CAPN3: variants seen among roughly 807,000 people sequenced by gnomAD.
CAPN3 encodes the protein calpain-3.
CAPN3 carries 88 observed loss-of-function variants against 114.0 expected under a neutral mutation model. The observed-to-expected ratio is 0.77, with a 90% CI of 0.65 to 0.92. CAPN3 has a LOEUF of 0.92. CAPN3 is among the 40% of genes least tolerant of loss of function. The probability of loss-of-function intolerance (pLI) is 0.00; values close to 1 mark genes in which losing one functional copy is unlikely to be tolerated. For missense variants in CAPN3, 1,028 were observed against 1,069.0 expected, an observed-to-expected ratio of 0.96 and a Z score of 0.53; for synonymous variants, 386 against 382.9, an observed-to-expected ratio of 1.01 and a Z score of -0.09.
intron 9 of CAPN3, among the ~76,000 whole-genome samples, chr15:42,397,079 G>C (rs2053715852): frequency 6.6e-6 from 1 of 152,144 alleles, no homozygotes. Flanking sequence ...CCAGGACCAG[G>C]CCAACATGAC....
intron 15 of CAPN3, among the ~76,000 whole-genome samples, chr15:42,406,712 G>A (rs542571332): frequency 6.6e-6 from 1 of 152,240 alleles, no homozygotes; most frequent in East Asian, 1.9e-4. Context: ...TACACTTCAA[G>A]GCCTGTGTTG....
chr15:42,396,987 T>C, intron 9 of CAPN3, 110 bp downstream of exon 9: 1 of 833,498 alleles, frequency 1.2e-6, no homozygotes, highest in South Asian at 1.4e-5. Flanking sequence ...TTGGGAGATC[T>C]GGGCTGTGTT....
chr15:42,402,799 C>G lies in CAPN3; in HGVS notation c.1542C>G (p.His514Gln). 1.2e-6 allele frequency: 2 copies of G among 1,614,022 alleles called. No individual in the cohort carries two copies. The highest frequency in any genetic ancestry group is 8.5e-7 in the Non-Finnish European group (1 of 1,179,912). The change falls in exon 13 of 24, where the codon CAC (histidine) becomes CAG (glutamine). Residue 514 changes from histidine (H) to glutamine (Q), a missense_variant. His to Gln is a conservative substitution (Grantham distance 24). Coordinates refer to ENST00000397163, the MANE Select transcript of CAPN3 (RefSeq NM_000070.3). ...FAIYEVPKEM[H>Q]GNKQHLQKDF... ...GGGCTCTCCCCATCTCTCAGATGCA[C>G]GGGAACAAGCAGCACCTGCAGAAGG...
At chr15:42,408,698 A>C (rs1327639606) in intron 16 of CAPN3, 1 of 358,892 alleles carries the variant, frequency 2.8e-6, no homozygotes, top group Non-Finnish European at 5.4e-6. Context: ...AGGAGCAGAA[A>C]AGTGGGGCTG....
At chr15:42,410,334 C>T in intron 19 of CAPN3, 94 bp from the exon 20 acceptor site, 1 of 1,073,716 alleles carries the variant, frequency 9.3e-7, no homozygotes, top group Non-Finnish European at 1.4e-6. Context: ...TACAACAGGG[C>T]AGTGGGTAGG....
chr15:42,394,073 A>G (rs2053626876), intron 7 of CAPN3, among the ~76,000 whole-genome samples, 183 bp from the exon 8 acceptor site: 1 of 151,982 alleles, frequency 6.6e-6, no homozygotes, highest in Non-Finnish European at 1.5e-5. Context: ...ACTCAGGAGG[A>G]AAGGTCTGAC....
chr15:42,392,496 G>C, intron 6 of CAPN3, 143 bp from the exon 7 acceptor site: 1 of 683,508 alleles, frequency 1.5e-6, no homozygotes. Flanking sequence ...AGGTCCGTTC[G>C]TGGTCGTGAG....
At chr15:42,395,117 T>C (rs918129835) in intron 8 of CAPN3, among the ~76,000 whole-genome samples, 2 of 152,224 alleles carry the variant, frequency 1.3e-5, no homozygotes, top group Admixed American at 1.3e-4. Context: ...ATGTAATTAC[T>C]GGTTCGTTCA....
Position 42,401,739 on chromosome 15 carries a change from A to G in CAPN3, c.1453A>G (p.Met485Val). Residue 485 changes from methionine to valine, a missense_variant, in exon 11 of 24, where the codon ATG becomes GTG. By Grantham distance (21) the Met-to-Val change is conservative (BLOSUM62 1). Coordinates refer to ENST00000397163, the MANE Select transcript of CAPN3 (RefSeq NM_000070.3). ...GATTTGCAGCTTCCTGGTGGCCCTG[A>G]TGCAGAAGAACCGGCGGAAGGACCG... is the stretch of plus-strand genomic sequence containing the variant. The part of the protein sequence containing the change: ...EVICSFLVAL[M>V]QKNRRKDRKL... 6.2e-7 allele frequency: 1 copy of G among 1,613,996 alleles called. No individual in the cohort carries two copies. Among genetic ancestry groups the G allele is most frequent in the Non-Finnish European group, 8.5e-7 (1 of 1,179,958 alleles).
At chr15:42,362,907 A>G (rs113731627) in intron 1 of CAPN3, among the ~76,000 whole-genome samples, 5,778 of 152,296 alleles carry the variant, frequency 0.038, 340 homozygotes, top group African/African-American at 0.12. Flanking sequence ...GAAGCACCAC[A>G]CAGGTGAGTA....
intron 15 of CAPN3, among the ~76,000 whole-genome samples, chr15:42,407,619 G>A (rs1051379720): frequency 1.3e-5 from 2 of 152,072 alleles, no homozygotes; most frequent in African/African-American, 2.4e-5. Flanking sequence ...GTGAGCCACC[G>A]TGCCCGGCCA....
chr15:42,391,626 A>G (rs996206206), intron 6 of CAPN3, among the ~76,000 whole-genome samples: 3 of 152,174 alleles, frequency 2.0e-5, no homozygotes, highest in Non-Finnish European at 4.4e-5. Context: ...TAGTAGGCAC[A>G]TGGAAGCCAT....
intron 9 of CAPN3, among the ~76,000 whole-genome samples, chr15:42,399,055 G>T (rs28745879): frequency 0.068 from 10,383 of 152,062 alleles, 1,134 homozygotes; most frequent in African/African-American, 0.23. Flanking sequence ...AAAGTGCTGG[G>T]ATTACAGGCA....
At chr15:42,410,127 A>G (rs1046153372) in intron 19 of CAPN3, 132 bp downstream of exon 19, 3 of 850,662 alleles carry the variant, frequency 3.5e-6, no homozygotes, top group Non-Finnish European at 6.0e-6. Flanking sequence ...CTGATTCAGA[A>G]CATCTTGGAT....
intron 2 of CAPN3, 47 bp from the exon 3 acceptor site, chr15:42,386,120 A>G (rs375163994): frequency 1.2e-5 from 16 of 1,360,296 alleles, no homozygotes; most frequent in Non-Finnish European, 1.6e-5. Flanking sequence ...TTTTCTTCCC[A>G]GGAGGAGCAG....
Position 42,411,733 on chromosome 15 carries a change from G to A in CAPN3, c.2440-14G>A. 8.1e-7 allele frequency: 1 copy of A among 1,229,362 alleles called. No individual in the cohort carries two copies. The highest frequency in any genetic ancestry group is 1.2e-6 in the Non-Finnish European group (1 of 840,880). The allele number at this position is 1,229,362 out of a possible 1,614,324, so 76.2% of individuals were successfully genotyped here. ...CTTTTCTGATCTACATTCTGATCTT[G>A]GGACTTCTTTCAGTGGCTGCAGCTC... On this transcript the variant is annotated splice_polypyrimidine_tract_variant and intron_variant, in intron 23 of 23. Coordinates refer to ENST00000397163, the MANE Select transcript of CAPN3 (RefSeq NM_000070.3).
chr15:42,378,094 G>A (rs2053137206), intron 1 of CAPN3, among the ~76,000 whole-genome samples: 1 of 152,198 alleles, frequency 6.6e-6, no homozygotes, highest in South Asian at 2.1e-4. Flanking sequence ...GCAGCTAGGG[G>A]TCCAAGCCGC....
chr15:42,383,543 C>T (rs925872579), intron 1 of CAPN3, among the ~76,000 whole-genome samples: 6 of 152,046 alleles, frequency 3.9e-5, no homozygotes, highest in Admixed American at 2.6e-4. Context: ...GAGCCGAGAT[C>T]GCGCCACTGT....
intron 9 of CAPN3, among the ~76,000 whole-genome samples, chr15:42,398,143 GTACCC>G (rs2053754615): frequency 6.6e-6 from 1 of 151,284 alleles, no homozygotes; most frequent in African/African-American, 2.5e-5. Flanking sequence ...GGGTACATAT[GTACCC>G]ATATTTTGGG....
Sources: allele counts gnomAD v4.1 joint callset (sites outside exome capture counted in the v4.1 genomes callset), GRCh38; gene constraint gnomAD v4.1.1; transcripts MANE v1.5; gene names NCBI Gene and HGNC (gene_info 2026-07-23, HGNC 2026-07-21).